The following ITGB5 variants were observed in gnomAD, a reference collection of about 807,000 sequenced individuals.
ITGB5 encodes the protein integrin subunit beta 5, also known as integrin beta-5.
In ITGB5, 38 loss-of-function variants were observed where a neutral mutation model predicts 84.8. That is an observed-to-expected ratio of 0.45 (90% CI 0.35 to 0.59). The LOEUF (loss-of-function observed/expected upper bound fraction) is 0.59. Among genes scored for constraint, ITGB5 ranks in the 20% least tolerant of loss-of-function variants. The pLI is 0.01. For missense variants in ITGB5, 905 were observed against 1,034.5 expected (o/e 0.87, Z 1.72); for synonymous variants, 393 against 414.4 (o/e 0.95, Z 0.63).
At chr3:124,796,840 A>T (rs770979931) in intron 9 of ITGB5, 23 bp from the exon 10 acceptor site, 2 of 1,568,410 alleles carry the variant, frequency 1.3e-6, no homozygotes, top group African/African-American at 2.7e-5. Context: ...AAGAGAAGGG[A>T]TATCATGGCT....
At chr3:124,878,698 T>C (rs934564073) in intron 1 of ITGB5, 1 of 152,206 alleles carries the variant, frequency 6.6e-6, no homozygotes, top group Non-Finnish European at 1.5e-5. Flanking sequence ...CTGGTATGTG[T>C]AATGTCAGAC....
intron 5 of ITGB5, among the ~76,000 whole-genome samples, chr3:124,829,021 C>T (rs1037173415): frequency 1.3e-5 from 2 of 152,148 alleles, no homozygotes; most frequent in African/African-American, 4.8e-5. Context: ...GCACCCCATT[C>T]AGTATCTGGT....
At chr3:124,795,418 G>A (rs1427746835) in intron 10 of ITGB5, among the ~76,000 whole-genome samples, 1 of 152,016 alleles carries the variant, frequency 6.6e-6, no homozygotes, top group Non-Finnish European at 1.5e-5. Context: ...GAACCTGGGA[G>A]GCAGAGGTTG....
intron 2 of ITGB5, among the ~76,000 whole-genome samples, chr3:124,869,732 T>C (rs1432139529): frequency 3.9e-5 from 6 of 152,216 alleles, no homozygotes; most frequent in Non-Finnish European, 7.3e-5. Flanking sequence ...ATGAGGCTCC[T>C]GATGAGCAGA....
intron 9 of ITGB5, among the ~76,000 whole-genome samples, chr3:124,803,628 G>A (rs78839629): frequency 0.052 from 7,902 of 152,266 alleles, 485 homozygotes; most frequent in African/African-American, 0.14. Context: ...GTGAGCTGGG[G>A]CAAGTCACGC....
At chr3:124,895,425 A>G (rs949344201) in intron 1 of ITGB5, among the ~76,000 whole-genome samples, 14 of 152,064 alleles carry the variant, frequency 9.2e-5, no homozygotes, top group African/African-American at 2.7e-4. Flanking sequence ...GGGGTCCCCT[A>G]TGTTGCTCAT....
chr3:124,892,949 C>T (rs902460027), intron 1 of ITGB5, among the ~76,000 whole-genome samples: 24 of 152,216 alleles, frequency 1.6e-4, no homozygotes, highest in African/African-American at 5.8e-4. Context: ...AAACAACTAT[C>T]CTACAGTATA....
At chr3:124,807,567 C>T (rs1170735582) in intron 9 of ITGB5, among the ~76,000 whole-genome samples, 1 of 152,180 alleles carries the variant, frequency 6.6e-6, no homozygotes, top group African/African-American at 2.4e-5. Flanking sequence ...AAGAGGCTTT[C>T]ATTTTCTCAA....
intron 4 of ITGB5, among the ~76,000 whole-genome samples, chr3:124,847,882 G>A (rs2065098840): frequency 6.6e-6 from 1 of 152,058 alleles, no homozygotes; most frequent in Admixed American, 6.5e-5. Context: ...GTGAAAATAA[G>A]TTATAGTTAT....
At chr3:124,897,849 C>T (rs914586303) in intron 1 of ITGB5, among the ~76,000 whole-genome samples, 3 of 152,138 alleles carry the variant, frequency 2.0e-5, no homozygotes, top group African/African-American at 7.2e-5. Flanking sequence ...GAGCTGTTCA[C>T]AAAGTGCTAT....
At chr3:124,879,713 C>G (rs1468499679) in intron 1 of ITGB5, among the ~76,000 whole-genome samples, 1 of 152,174 alleles carries the variant, frequency 6.6e-6, no homozygotes, top group African/African-American at 2.4e-5. Flanking sequence ...AGGAAGCTTA[C>G]CCCAATACAT....
intron 13 of ITGB5, among the ~76,000 whole-genome samples, chr3:124,765,398 G>A (rs888899096): frequency 2.0e-5 from 3 of 152,194 alleles, no homozygotes; most frequent in Admixed American, 1.3e-4. Flanking sequence ...GTTGTCCTTG[G>A]AATCCATGCT....
chr3:124,885,616 A>G (rs145035683), intron 1 of ITGB5, among the ~76,000 whole-genome samples: 12 of 152,336 alleles, frequency 7.9e-5, no homozygotes, highest in African/African-American at 2.9e-4. Context: ...TGACAACAAT[A>G]CATTCCTGTG....
intron 3 of ITGB5, among the ~76,000 whole-genome samples, chr3:124,849,480 G>T (rs925424907): frequency 5.3e-4 from 81 of 152,128 alleles, no homozygotes; most frequent in African/African-American, 1.8e-3. Context: ...TACCAGACTA[G>T]TATTTATTTG....
At chr3:124,795,345 C>T (rs1323133225) in intron 10 of ITGB5, among the ~76,000 whole-genome samples, 2 of 151,936 alleles carry the variant, frequency 1.3e-5, no homozygotes, top group African/African-American at 2.4e-5. Context: ...AAAAATTAGC[C>T]GAGTGTGGTG....
chr3:124,870,399 G>A (rs764013524), intron 2 of ITGB5, among the ~76,000 whole-genome samples: 1 of 152,160 alleles, frequency 6.6e-6, no homozygotes, highest in African/African-American at 2.4e-5. Context: ...TGTGGTAAGC[G>A]CCATTCAGGA....
intron 10 of ITGB5, among the ~76,000 whole-genome samples, chr3:124,793,550 T>C (rs1252379280): frequency 2.0e-5 from 3 of 152,228 alleles, no homozygotes; most frequent in Admixed American, 1.3e-4. Context: ...CACTGACTCA[T>C]AGAGGAGCCA....
rs1415721507 is a variant in ITGB5, at chr3:124,813,866, T to C, written c.1128+3755A>G. 2.0e-5 allele frequency among the ~76,000 whole-genome samples: 3 copies of C among 152,128 alleles called. 1 individual carries two copies. The highest frequency in any genetic ancestry group is 6.5e-5 in the Admixed American group (1 of 15,272). ...CCCCTCTCTACCTCCCCAGAGGTCA[T>C]GGAGTGGGGCTGAAAGTTCCAACCC... On this transcript the variant is annotated intron_variant, in intron 8 of 14. Coordinates refer to ENST00000296181, the MANE Select transcript of ITGB5 (RefSeq NM_002213.5).
intron 5 of ITGB5, among the ~76,000 whole-genome samples, chr3:124,836,447 A>G (rs149225002): frequency 4.6e-4 from 70 of 151,130 alleles, no homozygotes; most frequent in African/African-American, 1.6e-3. Flanking sequence ...TCTCCTTTCA[A>G]AAAAAAAAGA....
Sources: allele counts gnomAD v4.1 joint callset (sites outside exome capture counted in the v4.1 genomes callset), GRCh38; gene constraint gnomAD v4.1.1; transcripts MANE v1.5; gene names NCBI Gene and HGNC (gene_info 2026-07-23, HGNC 2026-07-21).